TGFBR3: variants seen among roughly 807,000 people sequenced by gnomAD.
TGFBR3 encodes the protein transforming growth factor beta receptor type 3.
A neutral mutation model predicts 87.9 loss-of-function variants in TGFBR3; 46 were observed. The ratio of observed to expected loss-of-function variants is 0.52; its 90% CI spans 0.41 to 0.67. The LOEUF (loss-of-function observed/expected upper bound fraction) is 0.67. Among genes scored for constraint, TGFBR3 ranks in the 30% least tolerant of loss-of-function variants. TGFBR3 has a pLI of 0.00. For missense variants in TGFBR3, 866 were observed against 1,041.9 expected (o/e 0.83, Z 2.32); for synonymous variants, 381 against 391.6 (o/e 0.97, Z 0.32).
chr1:91,849,821 G>A (rs183050125), intron 2 of TGFBR3, among the ~76,000 whole-genome samples: 7 of 152,196 alleles, frequency 4.6e-5, no homozygotes, highest in East Asian at 1.9e-4. Flanking sequence ...GGTGGCTCAC[G>A]CCTGTAATCC....
In TGFBR3 at chr1:91,868,956, T is replaced by C. The variant is rs375497443; in HGVS notation, c.-113-7312A>G. 3.3e-5 allele frequency among the ~76,000 whole-genome samples: 5 copies of C among 152,292 alleles called. No individual in the cohort carries two copies. The South Asian group carries it at 8.3e-4, about 25-fold the overall frequency. On this transcript the variant is annotated intron_variant, in intron 1 of 16. Transcript: ENST00000212355. ...CTTCACATGGCCACCAACCATCGTC[T>C]AGTTAGTCCAAGCTCATCTTCTGCA...
At chr1:91,844,436 T>C in intron 2 of TGFBR3, among the ~76,000 whole-genome samples, 1 of 152,164 alleles carries the variant, frequency 6.6e-6, no homozygotes, top group East Asian at 1.9e-4. Flanking sequence ...AAGAAACTAG[T>C]GAAAACTACA....
intron 2 of TGFBR3, among the ~76,000 whole-genome samples, chr1:91,797,973 C>A (rs1408545772): frequency 6.6e-6 from 1 of 152,066 alleles, no homozygotes; most frequent in Non-Finnish European, 1.5e-5. Context: ...CGATCAGGGC[C>A]AGAGCTGTAC....
intron 1 of TGFBR3, among the ~76,000 whole-genome samples, chr1:91,870,381 G>A (rs992661510): frequency 2.6e-5 from 4 of 152,164 alleles, no homozygotes; most frequent in Admixed American, 6.6e-5. Flanking sequence ...TATCTACTCC[G>A]ACCCTTTAAT....
intron 3 of TGFBR3, among the ~76,000 whole-genome samples, chr1:91,774,759 G>A (rs1674510206): frequency 1.3e-5 from 2 of 152,054 alleles, no homozygotes; most frequent in African/African-American, 2.4e-5. Context: ...AGTACACTGT[G>A]CAAAGTTATG....
At chr1:91,731,412 T>A (rs935220150) in intron 5 of TGFBR3, among the ~76,000 whole-genome samples, 1 of 152,032 alleles carries the variant, frequency 6.6e-6, no homozygotes, top group Non-Finnish European at 1.5e-5. Context: ...CGAGAGAGCA[T>A]TGGGTTTGCA....
At chr1:91,777,279 GC>G (rs1199313507) in intron 3 of TGFBR3, among the ~76,000 whole-genome samples, 1 of 152,136 alleles carries the variant, frequency 6.6e-6, no homozygotes, top group African/African-American at 2.4e-5. Context: ...AATTCACCTG[GC>G]TTTGAAGACC....
At chr1:91,740,855 A>G (rs1288090005) in intron 4 of TGFBR3, among the ~76,000 whole-genome samples, 1 of 152,250 alleles carries the variant, frequency 6.6e-6, no homozygotes, top group Non-Finnish European at 1.5e-5. Flanking sequence ...GGATATAAAG[A>G]GAATAGCAAA....
chr1:91,712,613 T>C (rs1306521725), intron 12 of TGFBR3, 71 bp from the exon 13 acceptor site: 6 of 1,464,154 alleles, frequency 4.1e-6, no homozygotes, highest in Non-Finnish European at 5.7e-6. Flanking sequence ...ACAAGGACCA[T>C]ATGCCAAGAC....
intron 3 of TGFBR3, among the ~76,000 whole-genome samples, chr1:91,785,016 G>C (rs1674904711): frequency 6.6e-6 from 1 of 152,212 alleles, no homozygotes; most frequent in African/African-American, 2.4e-5. Flanking sequence ...GTAGTGAGAA[G>C]GCAGCCATAG....
chr1:91,700,742 A>G (rs1671591303), intron 14 of TGFBR3, among the ~76,000 whole-genome samples: 1 of 152,230 alleles, frequency 6.6e-6, no homozygotes, highest in African/African-American at 2.4e-5. Flanking sequence ...ATTGGCACCA[A>G]TAACAACAAT....
intron 2 of TGFBR3, among the ~76,000 whole-genome samples, chr1:91,838,656 A>G (rs1486658304): frequency 1.3e-5 from 2 of 149,226 alleles, no homozygotes; most frequent in East Asian, 3.9e-4. Flanking sequence ...TTTTTAGTAG[A>G]GACAGGGTTT....
chr1:91,873,776 G>A (rs922165056), intron 1 of TGFBR3, among the ~76,000 whole-genome samples: 20 of 152,134 alleles, frequency 1.3e-4, no homozygotes, highest in Admixed American at 3.9e-4. Flanking sequence ...GTGAAACTCC[G>A]TCTCTACCAA....
chr1:91,887,262 T>TTTTTTTTTTTTTTTTTTTTTG (rs1165045165), upstream of TGFBR3, among the ~76,000 whole-genome samples: 3 of 125,272 alleles, frequency 2.4e-5, no homozygotes, highest in African/African-American at 6.9e-5. Flanking sequence ...TTTTTTTTTT[T>TTTTTTTTTTTTTTTTTTTTTG]TGAGATGGAG....
chr1:91,881,299 G>A (rs1679067145), intron 1 of TGFBR3, among the ~76,000 whole-genome samples: 1 of 152,136 alleles, frequency 6.6e-6, no homozygotes, highest in African/African-American at 2.4e-5. Context: ...TCTGCCCTCA[G>A]AAAAACAAGC....
chr1:91,755,370 T>C (rs527713977), intron 4 of TGFBR3, among the ~76,000 whole-genome samples: 1 of 152,238 alleles, frequency 6.6e-6, no homozygotes, highest in South Asian at 2.1e-4. Context: ...TCACTCGTTG[T>C]CTGCTGATGT....
chr1:91,730,202 A>C (rs930378024), intron 5 of TGFBR3, among the ~76,000 whole-genome samples: 4 of 152,038 alleles, frequency 2.6e-5, no homozygotes, highest in Non-Finnish European at 5.9e-5. Flanking sequence ...CTTTTGGCTA[A>C]ATCTTCTCCT....
chr1:91,893,959 G>C (rs1000560826), intron 2 of TGFBR3, among the ~76,000 whole-genome samples: 1 of 150,788 alleles, frequency 6.6e-6, no homozygotes, highest in Admixed American at 6.6e-5. Flanking sequence ...GCCAGGCGCG[G>C]TGGCTCACAC....
chr1:91,744,136 G>A (rs976420731), intron 4 of TGFBR3, among the ~76,000 whole-genome samples: 3 of 149,370 alleles, frequency 2.0e-5, no homozygotes, highest in Non-Finnish European at 3.0e-5. Flanking sequence ...CCAGGCTGGA[G>A]TGTAGTGGCA....
Sources: allele counts gnomAD v4.1 joint callset (sites outside exome capture counted in the v4.1 genomes callset), GRCh38; gene constraint gnomAD v4.1.1; transcripts MANE v1.5; gene names NCBI Gene and HGNC (gene_info 2026-07-23, HGNC 2026-07-21).